TMTC1: variants seen among roughly 807,000 people sequenced by gnomAD.
TMTC1 encodes protein O-mannosyl-transferase TMTC1.
A neutral mutation model predicts 104.8 loss-of-function variants in TMTC1; 73 were observed. That is an observed-to-expected ratio of 0.70 (90% CI 0.58 to 0.85). The LOEUF (loss-of-function observed/expected upper bound fraction) is 0.85, where lower values mean the gene tolerates loss of function less well. Among genes scored for constraint, TMTC1 ranks in the 40% least tolerant of loss-of-function variants. TMTC1 has a pLI of 0.00. For synonymous variants in TMTC1, 434 were observed against 428.7 expected (o/e 1.01, Z -0.15); for missense variants, 1,035 against 1,096.1 (o/e 0.94, Z 0.79).
intron 5 of TMTC1, among the ~76,000 whole-genome samples, chr12:29,724,127 T>A (rs1942315195): frequency 6.6e-6 from 1 of 152,154 alleles, no homozygotes; most frequent in Non-Finnish European, 1.5e-5. Context: ...AAATCCCAAG[T>A]GGCCAATAAT....
intron 14 of TMTC1, among the ~76,000 whole-genome samples, chr12:29,517,222 T>C (rs1447283164): frequency 6.6e-6 from 1 of 152,224 alleles, no homozygotes; most frequent in Non-Finnish European, 1.5e-5. Context: ...AACACTTTCA[T>C]AAGTTTGAAG....
chr12:29,697,866 A>G (rs1454307252), intron 5 of TMTC1, among the ~76,000 whole-genome samples: 4 of 152,210 alleles, frequency 2.6e-5, no homozygotes, highest in Admixed American at 6.5e-5. Flanking sequence ...CACTGAGTTA[A>G]AAGTTACTCC....
At chr12:29,761,581 C>CT (rs1255548828) in intron 2 of TMTC1, among the ~76,000 whole-genome samples, 1 of 12,280 alleles carries the variant, frequency 8.1e-5, no homozygotes, top group Non-Finnish European at 2.4e-4. Context: ...ATGCATTTCT[C>CT]GTTTTTTTTT....
intron 6 of TMTC1, among the ~76,000 whole-genome samples, chr12:29,619,517 T>C (rs1206912070): frequency 6.6e-6 from 1 of 152,226 alleles, no homozygotes; most frequent in African/African-American, 2.4e-5. Context: ...GGGTTGCATT[T>C]CTAGTGTCCA....
chr12:29,578,074 C>T (rs1461295833), intron 8 of TMTC1, among the ~76,000 whole-genome samples: 1 of 151,900 alleles, frequency 6.6e-6, no homozygotes, highest in Non-Finnish European at 1.5e-5. Flanking sequence ...GTGATTAGCA[C>T]AGTAATTCTA....
chr12:29,622,706 C>G (rs926769432), intron 6 of TMTC1, among the ~76,000 whole-genome samples: 12 of 152,226 alleles, frequency 7.9e-5, no homozygotes, highest in African/African-American at 2.4e-4. Context: ...AAAAACAATT[C>G]GATCCAATAA....
At chr12:29,661,475 G>A (rs1294235196) in intron 5 of TMTC1, 3 of 257,518 alleles carry the variant, frequency 1.2e-5, no homozygotes, top group African/African-American at 7.2e-5. Flanking sequence ...AGGCTGGAGT[G>A]CAGTGGTGCG....
At chr12:29,644,054 AT>A (rs1939130000) in intron 5 of TMTC1, among the ~76,000 whole-genome samples, 1 of 34,942 alleles carries the variant, frequency 2.9e-5, no homozygotes, top group Non-Finnish European at 6.0e-5. Context: ...TTATATATAA[AT>A]ATAAATATAT....
At chr12:29,584,524 G>A (rs10771552) in intron 7 of TMTC1, among the ~76,000 whole-genome samples, 5 of 151,416 alleles carry the variant, frequency 3.3e-5, no homozygotes, top group Admixed American at 6.6e-5. Context: ...CATGTGTCAC[G>A]TTGGTGTGCT....
intron 5 of TMTC1, among the ~76,000 whole-genome samples, chr12:29,747,669 T>G (rs1401262939): frequency 5.3e-5 from 8 of 152,202 alleles, no homozygotes; most frequent in Non-Finnish European, 1.0e-4. Flanking sequence ...TCATAATGCA[T>G]CCTGGTGTTC....
intron 4 of TMTC1, among the ~76,000 whole-genome samples, chr12:29,754,428 G>C (rs1029057997): frequency 6.6e-6 from 1 of 152,156 alleles, no homozygotes; most frequent in Non-Finnish European, 1.5e-5. Flanking sequence ...AATAGCTCTG[G>C]ACTGGACCAC....
At chr12:29,643,759 TA>T (rs1939064716) in intron 5 of TMTC1, among the ~76,000 whole-genome samples, 1 of 6,314 alleles carries the variant, frequency 1.6e-4, no homozygotes, top group African/African-American at 6.2e-4. Context: ...TAAATATTTA[TA>T]ATACACATAT....
In TMTC1 at chr12:29,725,195, G is replaced by GTT. The variant is rs112412169; in HGVS notation, c.938+26469_938+26470dup. ...ACCATGTCTGGCTAATTTTTGTTTT[G>GTT]TTTTTTTTTTAGTAGAGATGGGGGT... On this transcript the variant is annotated intron_variant, in intron 5 of 17. Transcript: ENST00000539277. Among the ~76,000 whole-genome samples, 220 of 143,924 alleles carry GTT rather than the reference G, an allele frequency of 1.5e-3. 1 individual carries two copies. The highest frequency in any genetic ancestry group is 2.3e-3 in the Non-Finnish European group (147 of 64,952). The allele number at this position is 143,924 out of a possible 152,430, so 94.4% of individuals were successfully genotyped here.
intron 5 of TMTC1, among the ~76,000 whole-genome samples, chr12:29,687,712 C>T (rs1174151367): frequency 6.6e-6 from 1 of 152,204 alleles, no homozygotes; most frequent in Non-Finnish European, 1.5e-5. Context: ...AATTTATTTT[C>T]TCACAGTTCT....
In TMTC1 at chr12:29,556,866, T is replaced by C. The variant is rs1459040789; in HGVS notation, c.1667A>G (p.Asn556Ser). The change falls in exon 10 of 18, where the codon AAT becomes AGT. Residue 556 changes from asparagine (N) to serine (S), a missense_variant. Coordinates refer to ENST00000539277, the MANE Select transcript of TMTC1 (RefSeq NM_001193451.2). ...TAAACGTCCCACTTACTTGAGGAGA[T>C]TCCCCAGATTGAAAAGAGCCCGGTT... ...QHNRALFNLG[N>S]LLKSQEKKEE... The C allele has an allele frequency of 6.2e-7, 1 of 1,613,918 alleles. No homozygotes were observed. The highest frequency in any genetic ancestry group is 8.5e-7 in the Non-Finnish European group (1 of 1,179,990).
At chr12:29,525,665 T>A (rs1417948492) in intron 11 of TMTC1, among the ~76,000 whole-genome samples, 1 of 152,112 alleles carries the variant, frequency 6.6e-6, no homozygotes, top group African/African-American at 2.4e-5. Context: ...TATCAGAGTT[T>A]CAGACCAGAA....
chr12:29,683,580 A>G (rs1940992252), intron 5 of TMTC1, among the ~76,000 whole-genome samples: 1 of 152,216 alleles, frequency 6.6e-6, no homozygotes, highest in Admixed American at 6.5e-5. Flanking sequence ...TAACATAAAT[A>G]AACACTAAAT....
intron 5 of TMTC1, among the ~76,000 whole-genome samples, chr12:29,694,040 T>C (rs1430959826): frequency 6.6e-6 from 1 of 152,228 alleles, no homozygotes; most frequent in East Asian, 1.9e-4. Flanking sequence ...TTTCAATTGA[T>C]AGATCAAATA....
At chr12:29,540,074 T>A (rs1418221006) in intron 10 of TMTC1, among the ~76,000 whole-genome samples, 1 of 152,130 alleles carries the variant, frequency 6.6e-6, no homozygotes, top group Non-Finnish European at 1.5e-5. Flanking sequence ...TCTATCATCA[T>A]AGGAAAAATA....
Sources: gnomAD v4.1 joint callset for allele counts (sites outside exome capture counted in the v4.1 genomes callset) on GRCh38, gnomAD v4.1.1 for gene constraint, MANE v1.5 for transcripts, NCBI Gene and HGNC (gene_info 2026-07-23, HGNC 2026-07-21) for gene names.